Variants in ZC3H8 observed in about 807,000 individuals in gnomAD.
ZC3H8 encodes the protein zinc finger CCCH-type containing 8, also known as zinc finger CCCH domain-containing protein 8.
Under a neutral mutation model 42.5 loss-of-function variants are expected in ZC3H8, and 27 were observed. That is an observed-to-expected ratio of 0.64 (90% CI 0.47 to 0.88). The LOEUF is 0.88. ZC3H8 is among the 40% of genes least tolerant of loss of function. The pLI is 0.00. For missense variants in ZC3H8, 277 were observed against 336.1 expected (o/e 0.82, Z 1.37); for synonymous variants, 101 against 110.1 (o/e 0.92, Z 0.52).
At chr2:112,217,882 C>G (rs1429743847) in intron 8 of ZC3H8, among the ~76,000 whole-genome samples, 2 of 152,060 alleles carry the variant, frequency 1.3e-5, no homozygotes, top group South Asian at 2.1e-4. Flanking sequence ...GGTTTTGTTT[C>G]TTTGTTTGGG....
Position 112,255,023 on chromosome 2 carries a change from G to T in ZC3H8, c.-42C>A. On this transcript the variant is annotated 5_prime_UTR_variant, in exon 1 of 9. It adds an upstream start codon to the 5' untranslated region. Coordinates refer to ENST00000409573, the MANE Select transcript of ZC3H8 (RefSeq NM_032494.3). The stretch of plus-strand genomic sequence containing the variant: ...CCCTTTCGCGAGCCGGGAAGCTACA[G>T]AGTAACAACCCGAGAGAGTGACAAC... 1 of 1,566,222 alleles carries T rather than the reference G, an allele frequency of 6.4e-7. No homozygotes were observed.
Position 112,212,986 on chromosome 2 carries a change from T to A in ZC3H8, c.*3498A>T, listed in dbSNP as rs1342844422. On this transcript the variant is annotated 3_prime_UTR_variant, in exon 9 of 9. Coordinates refer to ENST00000409573, the MANE Select transcript of ZC3H8 (RefSeq NM_032494.3). Reference sequence around the variant, plus strand: ...AATGCTTTTTTTTTTTTTTTTTTTTTTTATAAGAGACAAGGCTCTGTTGCC... The same window carrying A: ...AATGCTTTTTTTTTTTTTTTTTTTTATTATAAGAGACAAGGCTCTGTTGCC... 1 of 149,768 alleles carries A rather than the reference T, an allele frequency of 6.7e-6. No homozygotes were observed. Among genetic ancestry groups the A allele is most frequent in the Non-Finnish European group, 1.5e-5 (1 of 67,510 alleles). The allele number at this position is 149,768 out of a possible 1,614,324, so 9.3% of individuals were successfully genotyped here.
intron 1 of ZC3H8, among the ~76,000 whole-genome samples, chr2:112,251,001 G>A (rs1685926639): frequency 6.6e-6 from 1 of 152,168 alleles, no homozygotes; most frequent in African/African-American, 2.4e-5. Context: ...ATGAACCCAA[G>A]AGGGATGGGA....
At chr2:112,237,891 T>C (rs1447278272) in intron 3 of ZC3H8, among the ~76,000 whole-genome samples, 1 of 152,218 alleles carries the variant, frequency 6.6e-6, no homozygotes, top group Non-Finnish European at 1.5e-5. Context: ...TAATTGCCAT[T>C]TGCCCTCATA....
At chr2:112,247,612 G>C (rs1303235831) in intron 2 of ZC3H8, among the ~76,000 whole-genome samples, 1 of 152,270 alleles carries the variant, frequency 6.6e-6, no homozygotes, top group East Asian at 1.9e-4. Context: ...AATTAGCTGT[G>C]ATATTTATTT....
Position 112,236,695 on chromosome 2 carries a change from G to A in ZC3H8, c.371C>T (p.Ala124Val), listed in dbSNP as rs556172883. 10 of 1,601,182 alleles carry A rather than the reference G, an allele frequency of 6.2e-6. No homozygotes were observed. The African/African-American group carries it at 1.3e-4, about 22-fold the overall frequency. ...AAGATTTTTATTTTTTTGTTTAGCA[G>A]CTAAAAACAAAAAATTAATTTAAAA... ...KKEGVKDTPQ[A>V]AKQKNKNLKA... is the part of the protein sequence containing the mutation. The change falls in exon 4 of 9, where the codon GCT (alanine) becomes GTT (valine). Residue 124 changes from alanine to valine, a missense_variant and splice_region_variant. Coordinates refer to ENST00000409573, the MANE Select transcript of ZC3H8 (RefSeq NM_032494.3).
intron 3 of ZC3H8, 76 bp from the exon 4 acceptor site, chr2:112,236,771 G>A: frequency 7.7e-7 from 1 of 1,301,860 alleles, no homozygotes. Flanking sequence ...ACGGGGCCAG[G>A]TGCAGTGGCT....
At position 112,234,051 on chromosome 2, in the gene ZC3H8, A is replaced by G. The variant is rs1386780898; in HGVS notation, c.621+69T>C. The G allele has an allele frequency of 5.4e-6, 5 of 926,762 alleles. No individual in the cohort carries two copies. In the East Asian group the frequency reaches 1.4e-4, roughly 26 times the overall value. The allele number at this position is 926,762 out of a possible 1,614,324, so 57.4% of individuals were successfully genotyped here. The stretch of plus-strand genomic sequence containing the variant: ...CAGCTTTAAAAACCTAAAGGTATGA[A>G]TTAAAAGAGTATCAAACAGAAAGAG... On this transcript the variant is annotated intron_variant, in intron 5 of 8. Coordinates refer to ENST00000409573, the MANE Select transcript of ZC3H8 (RefSeq NM_032494.3).
chr2:112,238,045 C>T (rs1459487278), intron 3 of ZC3H8, among the ~76,000 whole-genome samples: 1 of 152,174 alleles, frequency 6.6e-6, no homozygotes, highest in East Asian at 1.9e-4. Context: ...GAGGCCAGGG[C>T]TTTAGCATTC....
chr2:112,232,056 G>A, intron 6 of ZC3H8, 109 bp from the exon 7 acceptor site: 1 of 549,946 alleles, frequency 1.8e-6, no homozygotes. Context: ...GGGCGAGGTG[G>A]CTCATGCCTG....
chr2:112,254,958 T>C lies in ZC3H8; in HGVS notation c.24A>G (p.Ser8=). ...TGCCGAGGGCCGGGTTGGGGGGTTT[T>C]GAGAAAAGATTCTCAAAATCCATGA... MDFENLF[S]KPPNPALGKT... is the part of the protein sequence containing the mutation. Residue 8 remains serine (S), a synonymous_variant, in exon 1 of 9, where the codon TCA becomes TCG. Coordinates refer to ENST00000409573, the MANE Select transcript of ZC3H8 (RefSeq NM_032494.3). 6.2e-7 allele frequency: 1 copy of C among 1,612,720 alleles called. No individual in the cohort carries two copies. Among genetic ancestry groups the C allele is most frequent in the Non-Finnish European group, 8.5e-7 (1 of 1,179,428 alleles).
In ZC3H8 at chr2:112,216,001, GA is replaced by G. The variant is rs1471289779; in HGVS notation, c.*482del. On this transcript the variant is annotated 3_prime_UTR_variant, in exon 9 of 9. Coordinates refer to ENST00000409573, the MANE Select transcript of ZC3H8 (RefSeq NM_032494.3). ...ATTTTAAGCCCTAAAATGAAATTGT[GA>G]ACCATTAAAAATATGTTGTAAAACT... 5 of 152,120 alleles carry G rather than the reference GA, an allele frequency of 3.3e-5. No homozygotes were observed. The highest frequency in any genetic ancestry group is 7.4e-5 in the Non-Finnish European group (5 of 68,012). The allele number at this position is 152,120 out of a possible 1,614,324, so 9.4% of individuals were successfully genotyped here.
At chr2:112,249,833 G>C (rs1225017983) in intron 2 of ZC3H8, among the ~76,000 whole-genome samples, 2 of 152,158 alleles carry the variant, frequency 1.3e-5, no homozygotes, top group Non-Finnish European at 2.9e-5. Flanking sequence ...AAATCACTAA[G>C]GTTGGTTAAG....
At chr2:112,249,986 AAAT>A (rs200221171) in intron 2 of ZC3H8, 14,789 of 383,792 alleles carry the variant, frequency 0.039, 397 homozygotes, top group Non-Finnish European at 0.046. Context: ...TAAAGTTATT[AAAT>A]AATAATTTAT....
At chr2:112,219,711 A>G (rs571303450) in intron 8 of ZC3H8, among the ~76,000 whole-genome samples, 1 of 151,872 alleles carries the variant, frequency 6.6e-6, no homozygotes, top group South Asian at 2.1e-4. Context: ...ATTTTAGAGT[A>G]TGTGTTATGT....
intron 1 of ZC3H8, among the ~76,000 whole-genome samples, chr2:112,251,272 C>T (rs1289846649): frequency 6.6e-6 from 1 of 152,178 alleles, no homozygotes; most frequent in East Asian, 1.9e-4. Flanking sequence ...TGAACAGTGG[C>T]TCCGTGGCTG....
At chr2:112,254,672 C>A (rs910743187) in intron 1 of ZC3H8, among the ~76,000 whole-genome samples, 2 of 152,232 alleles carry the variant, frequency 1.3e-5, no homozygotes, top group Admixed American at 6.5e-5. Flanking sequence ...CCCAGGCTCT[C>A]GACAGCCCCG....
intron 4 of ZC3H8, among the ~76,000 whole-genome samples, 178 bp downstream of exon 4, chr2:112,236,384 A>G (rs992171220): frequency 6.6e-6 from 1 of 152,240 alleles, no homozygotes; most frequent in African/African-American, 2.4e-5. Context: ...GAAAGCTGCA[A>G]TAAGAAGGAA....
intron 2 of ZC3H8, among the ~76,000 whole-genome samples, chr2:112,246,941 G>A (rs1332638809): frequency 1.3e-5 from 2 of 152,158 alleles, no homozygotes; most frequent in Non-Finnish European, 2.9e-5. Flanking sequence ...AATTGCCAGA[G>A]CCACCTCAGT....
Sources: gnomAD v4.1 joint callset for allele counts (sites outside exome capture counted in the v4.1 genomes callset) on GRCh38, gnomAD v4.1.1 for gene constraint, MANE v1.5 for transcripts, NCBI Gene and HGNC (gene_info 2026-07-23, HGNC 2026-07-21) for gene names.